The following SLC38A12 variants were observed in gnomAD, a reference collection of about 807,000 sequenced individuals.
SLC38A12 encodes putative sodium-coupled neutral amino acid transporter 12.
the SLC38A12 span, among the ~76,000 whole-genome samples, chr17:74,787,614 G>T: frequency 7.9e-6 from 1 of 126,664 alleles, no homozygotes; most frequent in Non-Finnish European, 1.7e-5. Flanking sequence ...GGGCGACAGA[G>T]CGAGACTCCG....
chr17:74,822,824 C>T, the SLC38A12 span, among the ~76,000 whole-genome samples: 116 of 152,306 alleles, frequency 7.6e-4, 1 homozygote, highest in South Asian at 0.011. Context: ...GAAGGTGTGT[C>T]CCCCTCCCAG....
chr17:74,784,639 G>A, the SLC38A12 span, among the ~76,000 whole-genome samples: 2 of 152,146 alleles, frequency 1.3e-5, no homozygotes, highest in Admixed American at 1.3e-4. Context: ...GGAGGCTGGG[G>A]GACTGGAGAG....
At chr17:74,827,947 C>A in the SLC38A12 span, among the ~76,000 whole-genome samples, 1 of 152,238 alleles carries the variant, frequency 6.6e-6, no homozygotes, top group African/African-American at 2.4e-5. This position sits in a 1 kb window ranked among gnomAD's most constrained non-coding sequence, Gnocchi z 4.7. Flanking sequence ...TGCAGCCCGG[C>A]ACCTTCCAAG....
the SLC38A12 span, among the ~76,000 whole-genome samples, chr17:74,825,770 G>A: frequency 2.0e-5 from 3 of 152,356 alleles, no homozygotes; most frequent in African/African-American, 4.8e-5. Flanking sequence ...CTGACCCGAC[G>A]ATGGTGATGG....
chr17:74,815,934 G>C, the SLC38A12 span, among the ~76,000 whole-genome samples: 1 of 152,150 alleles, frequency 6.6e-6, no homozygotes. Flanking sequence ...CCTCAGCAAA[G>C]CCACGTCCTG....
At chr17:74,825,185 C>T in the SLC38A12 span, among the ~76,000 whole-genome samples, 1 of 152,340 alleles carries the variant, frequency 6.6e-6, no homozygotes, top group African/African-American at 2.4e-5. Context: ...GCCAGCACCA[C>T]GCCACCCTGC....
chr17:74,838,492 C>T, the SLC38A12 span: 2 of 1,016,620 alleles, frequency 2.0e-6, no homozygotes, highest in South Asian at 4.3e-5. Context: ...ATCTTGGACG[C>T]AAATTCATTA....
At chr17:74,836,921 C>T in the SLC38A12 span, 313 of 1,350,208 alleles carry the variant, frequency 2.3e-4, no homozygotes, top group Non-Finnish European at 2.7e-4. The surrounding 1 kb of genome is among the most constrained non-coding windows in gnomAD (Gnocchi z 4.2). Context: ...CTGGGTGACG[C>T]GTGGCTGCTC....
the SLC38A12 span, chr17:74,795,193 G>A: frequency 1.7e-6 from 2 of 1,189,242 alleles, no homozygotes; most frequent in Non-Finnish European, 2.5e-6. Flanking sequence ...CAGGGGAGAA[G>A]CACCATGCCA....
chr17:74,784,927 G>A, the SLC38A12 span, among the ~76,000 whole-genome samples: 1 of 151,462 alleles, frequency 6.6e-6, no homozygotes, highest in African/African-American at 2.4e-5. Context: ...TTAAATGGGT[G>A]GATTTTATGG....
At chr17:74,838,729 G>A in the SLC38A12 span, 267 of 1,444,104 alleles carry the variant, frequency 1.8e-4, no homozygotes, top group East Asian at 5.3e-3. Flanking sequence ...GGCTTCTGCC[G>A]CTGACGGCCA....
At chr17:74,790,772 TAA>T in the SLC38A12 span, among the ~76,000 whole-genome samples, 49 of 126,902 alleles carry the variant, frequency 3.9e-4, no homozygotes, top group African/African-American at 3.7e-4. Flanking sequence ...TGAATTCCCT[TAA>T]AAAAAAAAAA....
chr17:74,802,718 C>T, the SLC38A12 span, among the ~76,000 whole-genome samples: 5 of 152,270 alleles, frequency 3.3e-5, no homozygotes, highest in South Asian at 6.2e-4. Flanking sequence ...CTTTGAGGAT[C>T]GTGTCAGTGC....
chr17:74,807,755 C>A, the SLC38A12 span, among the ~76,000 whole-genome samples: 1,095 of 152,310 alleles, frequency 7.2e-3, 25 homozygotes, highest in African/African-American at 0.025. Flanking sequence ...CGGACAGTGA[C>A]GGATTAGAGT....
At chr17:74,786,611 C>T in the SLC38A12 span, among the ~76,000 whole-genome samples, 1 of 152,126 alleles carries the variant, frequency 6.6e-6, no homozygotes, top group Non-Finnish European at 1.5e-5. Context: ...GGGAGGGCTG[C>T]ATCTAAGCAA....
At chr17:74,816,676 C>T in the SLC38A12 span, among the ~76,000 whole-genome samples, 3 of 151,478 alleles carry the variant, frequency 2.0e-5, no homozygotes, top group Non-Finnish European at 1.5e-5. Context: ...TTTCTTTTTT[C>T]GTTTTTTTTT....
At chr17:74,816,687 GT>G in the SLC38A12 span, among the ~76,000 whole-genome samples, 1 of 147,774 alleles carries the variant, frequency 6.8e-6, no homozygotes, top group East Asian at 2.0e-4. Flanking sequence ...GTTTTTTTTT[GT>G]TTTTTTTTAG....
At chr17:74,821,116 G>A in the SLC38A12 span, among the ~76,000 whole-genome samples, 6 of 152,224 alleles carry the variant, frequency 3.9e-5, no homozygotes, top group African/African-American at 1.4e-4. Context: ...ACTCCACTCT[G>A]AGGGGTTGTA....
the SLC38A12 span, among the ~76,000 whole-genome samples, chr17:74,803,673 T>G: frequency 6.6e-6 from 1 of 152,214 alleles, no homozygotes; most frequent in East Asian, 1.9e-4. Context: ...CCACCTGGGC[T>G]GATCCTGGCC....
Sources: allele counts gnomAD v4.1 joint callset (sites outside exome capture counted in the v4.1 genomes callset), GRCh38; gene constraint gnomAD v4.1.1; non-coding constraint Gnocchi (gnomAD v3.1); transcripts MANE v1.5; gene names NCBI Gene and HGNC (gene_info 2026-07-23, HGNC 2026-07-21).